The following RC3H2 variants were observed in gnomAD, a reference collection of about 807,000 sequenced individuals.
RC3H2 encodes ring finger and CCCH-type domains 2.
In RC3H2, 31 loss-of-function variants were observed where a neutral mutation model predicts 133.3. That is an observed-to-expected ratio of 0.23 (90% CI 0.17 to 0.31). The LOEUF (loss-of-function observed/expected upper bound fraction) is 0.31, where lower values mean the gene tolerates loss of function less well. Among genes scored for constraint, RC3H2 ranks in the 10% least tolerant of loss-of-function variants. RC3H2 has a pLI of 1.00. For missense variants in RC3H2, 1,175 were observed against 1,437.2 expected (o/e 0.82, Z 2.95); for synonymous variants, 517 against 502.2 (o/e 1.03, Z -0.40).
At chr9:122,895,613 C>T (rs1465139989) in intron 2 of RC3H2, among the ~76,000 whole-genome samples, 1 of 152,214 alleles carries the variant, frequency 6.6e-6, no homozygotes, top group African/African-American at 2.4e-5. Context: ...ACCTTGATTT[C>T]ATAGTGTGTA....
At chr9:122,871,037 T>C (rs1436137400) in intron 9 of RC3H2, among the ~76,000 whole-genome samples, 1 of 152,192 alleles carries the variant, frequency 6.6e-6, no homozygotes, top group Non-Finnish European at 1.5e-5. Context: ...CTAGATGATA[T>C]TGTTTCCCAC....
chr9:122,897,605 C>G (rs944297651), intron 1 of RC3H2, 29 bp from the exon 2 acceptor site: 2 of 1,433,138 alleles, frequency 1.4e-6, no homozygotes, highest in Middle Eastern at 3.9e-4. Flanking sequence ...ATGAATTAAC[C>G]ACATATTCAT....
At chr9:122,884,403 G>A (rs1416331372) in intron 4 of RC3H2, among the ~76,000 whole-genome samples, 2 of 152,150 alleles carry the variant, frequency 1.3e-5, no homozygotes, top group Non-Finnish European at 2.9e-5. Flanking sequence ...TACTTTGCCT[G>A]TCAGAACTAT....
At chr9:122,901,309 A>T (rs1057050172) in intron 1 of RC3H2, among the ~76,000 whole-genome samples, 12 of 152,204 alleles carry the variant, frequency 7.9e-5, no homozygotes, top group Admixed American at 3.9e-4. Context: ...ACTTAAAAAT[A>T]ATTAGTTTTG....
chr9:122,867,573 A>G, intron 9 of RC3H2, among the ~76,000 whole-genome samples: 1 of 115,676 alleles, frequency 8.6e-6, no homozygotes, highest in Non-Finnish European at 1.9e-5. Context: ...CCCAGTCTGG[A>G]AAGTGAGAAG....
At chr9:122,881,969 A>G (rs1204568412) in intron 5 of RC3H2, among the ~76,000 whole-genome samples, 1 of 152,160 alleles carries the variant, frequency 6.6e-6, no homozygotes, top group Non-Finnish European at 1.5e-5. Flanking sequence ...CATGATAATT[A>G]AGAAATTTTC....
chr9:122,885,300 G>C (rs1164108823), intron 4 of RC3H2, among the ~76,000 whole-genome samples: 1 of 152,098 alleles, frequency 6.6e-6, no homozygotes, highest in East Asian at 1.9e-4. Flanking sequence ...CTGAATGTCG[G>C]TAAAGAATAT....
At chr9:122,900,021 C>T (rs1414878326) in intron 1 of RC3H2, among the ~76,000 whole-genome samples, 3 of 152,130 alleles carry the variant, frequency 2.0e-5, no homozygotes, top group Non-Finnish European at 4.4e-5. Flanking sequence ...CAGAAAAATG[C>T]TATCTTTCAT....
In RC3H2 at chr9:122,897,654, TAC is replaced by T. The variant is rs1197376357; in HGVS notation, c.-67-80_-67-79del. The T allele has an allele frequency of 7.1e-6, 7 of 988,134 alleles. No individual in the cohort carries two copies. The African/African-American group carries it at 1.1e-4, about 16-fold the overall frequency. The allele number at this position is 988,134 out of a possible 1,614,324, so 61.2% of individuals were successfully genotyped here. A position where few individuals can be genotyped will look rare whatever the true frequency, so the allele number is the denominator to read the frequency against. On this transcript the variant is annotated intron_variant, in intron 1 of 20. Coordinates refer to ENST00000357244, the MANE Select transcript of RC3H2 (RefSeq NM_001100588.3). ...AGAGTTAATTGCTTAAGTCAACTAT[TAC>T]AGCTTCAGACCTAAAATACTTCTAA...
chr9:122,871,707 G>GT (rs561855375), intron 9 of RC3H2, among the ~76,000 whole-genome samples: 25 of 149,674 alleles, frequency 1.7e-4, no homozygotes, highest in African/African-American at 2.9e-4. Context: ...TCTCCTTTGT[G>GT]TTTTTTTTTC....
At chr9:122,880,160 G>C (rs1182403853) in intron 6 of RC3H2, 35 bp from the exon 7 acceptor site, 2 of 1,609,322 alleles carry the variant, frequency 1.2e-6, no homozygotes, top group South Asian at 2.2e-5. Context: ...TTTTACTTTG[G>C]TTCTTATGAC....
Position 122,880,038 on chromosome 9 carries a change from G to T in RC3H2, c.1048C>A (p.Leu350Met). The change falls in exon 7 of 21, where the codon CTG (leucine) becomes ATG (methionine). Residue 350 changes from leucine (L) to methionine (M), a missense_variant. Leu to Met is a conservative substitution (Grantham distance 15). Coordinates refer to ENST00000357244, the MANE Select transcript of RC3H2 (RefSeq NM_001100588.3). Reference protein sequence around the residue: ...RTGDPANLNRLRPHLELLANI... With the variant: ...RTGDPANLNRMRPHLELLANI... The stretch of plus-strand genomic sequence containing the variant: ...GCAAGAAGCTCTAAATGAGGCCTCA[G>T]TCTATTTAAGTTAGCTGGGTCACCT... 6.2e-7 allele frequency: 1 copy of T among 1,614,176 alleles called. No homozygotes were observed. Among genetic ancestry groups the T allele is most frequent in the Non-Finnish European group, 8.5e-7 (1 of 1,180,018 alleles).
Position 122,905,262 on chromosome 9 carries a change from T to C in RC3H2, c.-220A>G. The C allele has an allele frequency of 1.0e-6, 1 of 985,850 alleles. No individual in the cohort carries two copies. Among genetic ancestry groups the C allele is most frequent in the Non-Finnish European group, 1.2e-6 (1 of 830,208 alleles). The allele number at this position is 985,850 out of a possible 1,614,324, so 61.1% of individuals were successfully genotyped here. On this transcript the variant is annotated 5_prime_UTR_variant, in exon 1 of 21. Coordinates refer to ENST00000357244, the MANE Select transcript of RC3H2 (RefSeq NM_001100588.3). ...TCGGGAGCTACAGGGACAGCCCCGT[T>C]GGCGGCGGCGAAGGCCGCGACGGGG...
chr9:122,887,452 G>A (rs1332711155), intron 4 of RC3H2, among the ~76,000 whole-genome samples: 1 of 151,944 alleles, frequency 6.6e-6, no homozygotes, highest in Non-Finnish European at 1.5e-5. Flanking sequence ...CCAAAGTACT[G>A]GGATTATAAG....
At chr9:122,879,933 T>C (rs1831537233) in intron 7 of RC3H2, 60 bp from the exon 8 acceptor site, 2 of 1,611,420 alleles carry the variant, frequency 1.2e-6, no homozygotes, top group Admixed American at 3.3e-5. Flanking sequence ...AGTAATTCTC[T>C]TGTGTTATTC....
intron 2 of RC3H2, among the ~76,000 whole-genome samples, chr9:122,893,724 G>A (rs529763235): frequency 6.6e-6 from 1 of 151,660 alleles, no homozygotes; most frequent in South Asian, 2.1e-4. Context: ...TTAAAGAGTG[G>A]AGAAAAAAAG....
intron 18 of RC3H2, 51 bp from the exon 19 acceptor site, chr9:122,851,487 G>T: frequency 6.3e-7 from 1 of 1,579,230 alleles, no homozygotes. Context: ...TCTCCCCATG[G>T]TCTCCCTCTC....
At chr9:122,866,453 G>A (rs945910147) in intron 9 of RC3H2, among the ~76,000 whole-genome samples, 28 of 143,194 alleles carry the variant, frequency 2.0e-4, no homozygotes, top group African/African-American at 6.1e-4. Flanking sequence ...CTCTGATGCC[G>A]AGCCGAAGCT....
chr9:122,886,227 G>A (rs2793001), intron 4 of RC3H2, among the ~76,000 whole-genome samples: 148,831 of 152,304 alleles, frequency 0.98, 72,820 homozygotes, highest in East Asian at 1. Flanking sequence ...CATGCAGCAT[G>A]TATCAGTATT....
Sources: allele counts gnomAD v4.1 joint callset (sites outside exome capture counted in the v4.1 genomes callset), GRCh38; gene constraint gnomAD v4.1.1; transcripts MANE v1.5; gene names NCBI Gene and HGNC (gene_info 2026-07-23, HGNC 2026-07-21).